Variants in DPY19L3 observed in about 807,000 individuals in gnomAD.
DPY19L3 encodes the protein dpy-19 like C-mannosyltransferase 3.
Under a neutral mutation model 92.3 loss-of-function variants are expected in DPY19L3, and 51 were observed. The ratio of observed to expected loss-of-function variants is 0.55; its 90% CI spans 0.44 to 0.70. DPY19L3 has a LOEUF of 0.70. Among genes scored for constraint, DPY19L3 ranks in the 30% least tolerant of loss-of-function variants. The pLI is 0.00. For missense variants in DPY19L3, 706 were observed against 855.9 expected, an observed-to-expected ratio of 0.82 and a Z score of 2.18; for synonymous variants, 309 against 315.2, an observed-to-expected ratio of 0.98 and a Z score of 0.21.
Position 32,458,411 on chromosome 19 carries a change from A to G in DPY19L3, c.1224A>G (p.Thr408=). ...EEAFGLLPFN[T]FGRLSDTLLF... is the part of the protein sequence containing the mutation. ...CTTTTGGCCTCCTGCCTTTTAATAC[A>G]TTTGGAAGGCTTTCAGATACTCTGC... Residue 408 remains threonine (T), a synonymous_variant, in exon 12 of 19, where the codon ACA becomes ACG. Coordinates refer to ENST00000392250, the MANE Select transcript of DPY19L3 (RefSeq NM_001172774.2). The G allele has an allele frequency of 6.2e-7, 1 of 1,613,846 alleles. No homozygotes were observed.
At chr19:32,462,688 T>C (rs1258075845) in intron 12 of DPY19L3, among the ~76,000 whole-genome samples, 2 of 152,184 alleles carry the variant, frequency 1.3e-5, no homozygotes, top group African/African-American at 2.4e-5. Context: ...GGAGATACTT[T>C]TATAGATCAA....
chr19:32,439,075 A>AGGG, intron 6 of DPY19L3, 37 bp from the exon 7 acceptor site: 2 of 1,575,972 alleles, frequency 1.3e-6, no homozygotes, highest in Non-Finnish European at 1.7e-6. Flanking sequence ...TATTGTAAAA[A>AGGG]CTATCACTTT....
intron 17 of DPY19L3, among the ~76,000 whole-genome samples, chr19:32,478,659 G>GCATT (rs1015563243): frequency 1.1e-4 from 17 of 152,172 alleles, no homozygotes; most frequent in African/African-American, 4.1e-4. Flanking sequence ...AGAAGAAGTG[G>GCATT]CATTCTACAT....
chr19:32,447,775 A>T (rs68013007), intron 8 of DPY19L3, among the ~76,000 whole-genome samples: 11,929 of 126,216 alleles, frequency 0.095, 617 homozygotes, highest in African/African-American at 0.16. Context: ...ATAGATAGAT[A>T]GATTAGATAA....
At chr19:32,421,821 G>A (rs1027107921) in intron 3 of DPY19L3, among the ~76,000 whole-genome samples, 1 of 152,036 alleles carries the variant, frequency 6.6e-6, no homozygotes, top group Non-Finnish European at 1.5e-5. Context: ...ATGAAGAACA[G>A]CATGCTAGGC....
intron 2 of DPY19L3, among the ~76,000 whole-genome samples, chr19:32,410,517 G>T (rs1040581924): frequency 7.2e-5 from 11 of 152,270 alleles, no homozygotes; most frequent in Admixed American, 7.2e-4. Flanking sequence ...AGTGGCTCAT[G>T]CCCGTAATCC....
At chr19:32,459,942 C>CT (rs1473868113) in intron 12 of DPY19L3, among the ~76,000 whole-genome samples, 1 of 152,136 alleles carries the variant, frequency 6.6e-6, no homozygotes, top group Admixed American at 6.5e-5. Context: ...ATACAGTATA[C>CT]TTACACAAAC....
At chr19:32,451,607 C>T (rs1185234785) in intron 8 of DPY19L3, among the ~76,000 whole-genome samples, 1 of 152,182 alleles carries the variant, frequency 6.6e-6, no homozygotes, top group African/African-American at 2.4e-5. Flanking sequence ...GTATTTTTCA[C>T]TTGTCAGAAT....
intron 2 of DPY19L3, among the ~76,000 whole-genome samples, chr19:32,408,705 T>C (rs1309069241): frequency 6.6e-6 from 1 of 152,200 alleles, no homozygotes; most frequent in Non-Finnish European, 1.5e-5. Flanking sequence ...CAACCTTACC[T>C]TGGGTGAGTT....
At chr19:32,419,607 C>A (rs1031164551) in intron 3 of DPY19L3, among the ~76,000 whole-genome samples, 2 of 151,602 alleles carry the variant, frequency 1.3e-5, no homozygotes, top group Non-Finnish European at 2.9e-5. Context: ...CTAATTTTTT[C>A]ATTTTTTGTA....
chr19:32,408,413 A>G, intron 2 of DPY19L3, 57 bp downstream of exon 2: 1 of 1,297,172 alleles, frequency 7.7e-7, no homozygotes, highest in African/African-American at 1.5e-5. Context: ...GCATATTAAA[A>G]TGTCACTCTC....
At chr19:32,476,150 G>A (rs780040379) in intron 16 of DPY19L3, among the ~76,000 whole-genome samples, 2 of 152,148 alleles carry the variant, frequency 1.3e-5, no homozygotes, top group Non-Finnish European at 2.9e-5. Context: ...TCACGCTGGA[G>A]TCTTAGCGCT....
chr19:32,416,319 A>G (rs2145414930), intron 3 of DPY19L3, among the ~76,000 whole-genome samples: 1 of 152,318 alleles, frequency 6.6e-6, no homozygotes, highest in South Asian at 2.1e-4. Flanking sequence ...TGGACATGCC[A>G]TTTTCTGTGA....
chr19:32,417,832 G>A (rs1325436719), intron 3 of DPY19L3, among the ~76,000 whole-genome samples: 3 of 152,134 alleles, frequency 2.0e-5, no homozygotes, highest in Non-Finnish European at 4.4e-5. Flanking sequence ...CTAATACAAG[G>A]TTACCTCCCC....
chr19:32,464,218 C>CA (rs1195008700), intron 14 of DPY19L3, among the ~76,000 whole-genome samples: 6 of 151,244 alleles, frequency 4.0e-5, no homozygotes, highest in Admixed American at 1.3e-4. Context: ...TTTGGAAATA[C>CA]AAAAAAAAGC....
At position 32,439,786 on chromosome 19, in the gene DPY19L3, T is replaced by G; in HGVS notation, c.731T>G (p.Leu244Arg). ...NLQPLSERLT[L>R]LAIFISTFLF... Reference sequence around the variant, plus strand: ...GTTTTCTTTTTACAGAGGCTGACACTTCTTGCCATTTTCATATCAACTTTT... The same window carrying G: ...GTTTTCTTTTTACAGAGGCTGACACGTCTTGCCATTTTCATATCAACTTTT... Residue 244 changes from leucine (L) to arginine (R), a missense_variant, in exon 8 of 19, where the codon CTT becomes CGT. By Grantham distance (102) the Leu-to-Arg change is moderately radical. Coordinates refer to ENST00000392250, the MANE Select transcript of DPY19L3 (RefSeq NM_001172774.2). 6.2e-7 allele frequency: 1 copy of G among 1,613,588 alleles called. No individual in the cohort carries two copies. The highest frequency in any genetic ancestry group is 2.2e-5 in the East Asian group (1 of 44,856).
Position 32,432,706 on chromosome 19 carries a change from T to G in DPY19L3, c.238-10T>G. On this transcript the variant is annotated splice_polypyrimidine_tract_variant and intron_variant, in intron 3 of 18. Coordinates refer to ENST00000392250, the MANE Select transcript of DPY19L3 (RefSeq NM_001172774.2). ...GTCACATAAACCCATAGGATCTAAC[T>G]CTGTTTTAGGAAGTGGAGCGAGAAA... 7 of 1,612,882 alleles carry G rather than the reference T, an allele frequency of 4.3e-6. No individual in the cohort carries two copies. The highest frequency in any genetic ancestry group is 5.9e-6 in the Non-Finnish European group (7 of 1,179,144).
In DPY19L3 at chr19:32,464,758, T is replaced by C. The variant is rs762081886; in HGVS notation, c.1588T>C (p.Leu530=). 44 of 1,528,260 alleles carry C rather than the reference T, an allele frequency of 2.9e-5. 1 individual carries two copies. The East Asian group carries it at 9.9e-4, about 35-fold the overall frequency. The allele number at this position is 1,528,260 out of a possible 1,614,324, so 94.7% of individuals were successfully genotyped here. A position where few individuals can be genotyped will look rare whatever the true frequency, so the allele number is the denominator to read the frequency against. Residue 530 remains leucine, a synonymous_variant, in exon 15 of 19, where the codon TTA becomes CTA. Coordinates refer to ENST00000392250, the MANE Select transcript of DPY19L3 (RefSeq NM_001172774.2). ...TATAATGCGATATTCAGTACCGATA[T>C]TAATACTGCTGTATCTATGCTATAA... The part of the protein sequence containing the change: ...ICIMRYSVPI[L]ILLYLCYKFW...
intron 8 of DPY19L3, among the ~76,000 whole-genome samples, chr19:32,450,376 C>G (rs1389434681): frequency 2.0e-5 from 3 of 152,162 alleles, no homozygotes; most frequent in African/African-American, 7.2e-5. Context: ...AGCAATCCCA[C>G]TCCTAGATAC....
Sources: gnomAD v4.1 joint callset for allele counts (sites outside exome capture counted in the v4.1 genomes callset) on GRCh38, gnomAD v4.1.1 for gene constraint, MANE v1.5 for transcripts, NCBI Gene and HGNC (gene_info 2026-07-23, HGNC 2026-07-21) for gene names.